The following PRDM1 variants were observed in gnomAD, a reference collection of about 807,000 sequenced individuals.
The protein encoded by PRDM1 is PR/SET domain 1, also known as PR domain zinc finger protein 1.
In PRDM1, 13 loss-of-function variants were observed where a neutral mutation model predicts 62.8. The ratio of observed to expected loss-of-function variants is 0.21; its 90% CI spans 0.13 to 0.33. PRDM1 has a LOEUF of 0.33. Among genes scored for constraint, PRDM1 ranks in the 10% least tolerant of loss-of-function variants. The pLI is 1.00. For missense variants in PRDM1, 895 were observed against 1,058.8 expected, an observed-to-expected ratio of 0.85 and a Z score of 2.15; for synonymous variants, 396 against 417.6, an observed-to-expected ratio of 0.95 and a Z score of 0.63.
chr6:106,042,620 T>C (rs1450612579), intron 1 of PRDM1, among the ~76,000 whole-genome samples: 1 of 151,924 alleles, frequency 6.6e-6, no homozygotes, highest in Non-Finnish European at 1.5e-5. Context: ...TAACTTCTGG[T>C]TTTTCTAGAG....
chr6:106,031,324 G>A (rs986313703), intron 1 of PRDM1, among the ~76,000 whole-genome samples: 1 of 152,162 alleles, frequency 6.6e-6, no homozygotes, highest in East Asian at 1.9e-4. Flanking sequence ...AATGAAGGTA[G>A]AAGTCCCAGG....
intron 1 of PRDM1, among the ~76,000 whole-genome samples, chr6:106,079,351 A>G (rs1336988476): frequency 6.6e-6 from 1 of 152,254 alleles, no homozygotes; most frequent in Non-Finnish European, 1.5e-5. Flanking sequence ...TAATGCACCC[A>G]GTACCCAGTT....
intron 1 of PRDM1, among the ~76,000 whole-genome samples, chr6:106,075,107 AG>A (rs11339352): frequency 6.6e-6 from 1 of 152,168 alleles, no homozygotes; most frequent in Non-Finnish European, 1.5e-5. Context: ...TGACCAAATT[AG>A]GGGGGAATTT....
Position 106,105,431 on chromosome 6 carries a change from G to A in PRDM1, c.1271G>A (p.Gly424Asp), listed in dbSNP as rs1484048958. Residue 424 changes from glycine to aspartate, a missense_variant, in exon 5 of 7, where the codon GGC becomes GAC. Transcript: ENST00000369096. ...LLPPYGMNCN[G>D]LSAVSSMNGI... ...CCCCCCTACGGCATGAATTGTAATG[G>A]CCTGAGCGCTGTGAGCAGCATGAAT... is the stretch of plus-strand genomic sequence containing the variant. 6.2e-7 allele frequency: 1 copy of A among 1,614,174 alleles called. No individual in the cohort carries two copies.
intron 1 of PRDM1, among the ~76,000 whole-genome samples, chr6:106,009,668 G>A (rs1446020054): frequency 6.6e-6 from 1 of 152,136 alleles, no homozygotes; most frequent in Non-Finnish European, 1.5e-5. Context: ...AGCTAACTCA[G>A]GACGAAAGTT....
At chr6:106,077,412 A>G (rs1773621095) in intron 1 of PRDM1, among the ~76,000 whole-genome samples, 1 of 152,182 alleles carries the variant, frequency 6.6e-6, no homozygotes, top group South Asian at 2.1e-4. Context: ...AAAAAGTGGT[A>G]TACATGAGGA....
chr6:106,010,482 T>G (rs1487113283), intron 1 of PRDM1, among the ~76,000 whole-genome samples: 3 of 152,198 alleles, frequency 2.0e-5, no homozygotes, highest in Non-Finnish European at 4.4e-5. Flanking sequence ...AGCCCGTGCA[T>G]CTAATTAAAT....
At chr6:106,065,666 T>C (rs1301317494) in intron 1 of PRDM1, among the ~76,000 whole-genome samples, 7 of 152,228 alleles carry the variant, frequency 4.6e-5, no homozygotes, top group African/African-American at 1.7e-4. Flanking sequence ...TATATAAATA[T>C]AGAAAATGAT....
intron 1 of PRDM1, among the ~76,000 whole-genome samples, chr6:105,996,089 C>T (rs1772346018): frequency 6.6e-6 from 1 of 152,108 alleles, no homozygotes; most frequent in Non-Finnish European, 1.5e-5. Flanking sequence ...AAAAGTCAGC[C>T]AGATGAGGTG....
chr6:105,998,933 A>ATT (rs754830624), intron 1 of PRDM1, among the ~76,000 whole-genome samples: 92 of 6,352 alleles, frequency 0.014, 1 homozygote, highest in Middle Eastern at 0.062. Context: ...ATATATATAT[A>ATT]TTTTTTTTTT....
chr6:106,038,920 C>T (rs1037036648), intron 1 of PRDM1, among the ~76,000 whole-genome samples: 1 of 152,188 alleles, frequency 6.6e-6, no homozygotes, highest in East Asian at 1.9e-4. Context: ...CAGGTCCCTA[C>T]TCCTTCTTTC....
rs1180554072 is a variant in PRDM1 at position 106,107,296 on chromosome 6, T to A, written c.2288T>A (p.Val763Asp). 4.3e-6 allele frequency: 7 copies of A among 1,614,036 alleles called. No homozygotes were observed. Among genetic ancestry groups the A allele is most frequent in the Non-Finnish European group, 5.9e-6 (7 of 1,179,996 alleles). Reference protein sequence around the residue: ...SVVEKEILAVVRKEKEETGLK... With the variant: ...SVVEKEILAVDRKEKEETGLK... ...GTGGAGAAGGAAATTCTGGCCGTGG[T>A]CAGAAAAGAGAAAGAAGAAACTGGC... Residue 763 changes from valine (V) to aspartate (D), a missense_variant, in exon 7 of 7, where the codon GTC (valine) becomes GAC (aspartate). Val to Asp is a radical substitution (Grantham distance 152, BLOSUM62 -3). Around this residue, in one of 4 missense-constraint regions of PRDM1, gnomAD observed 164 missense variants for 179.9 expected, o/e 0.91. Coordinates refer to ENST00000369096, the MANE Select transcript of PRDM1 (RefSeq NM_001198.4).
chr6:106,090,691 A>G (rs1396955374), intron 2 of PRDM1, among the ~76,000 whole-genome samples: 3 of 152,222 alleles, frequency 2.0e-5, no homozygotes, highest in Admixed American at 2.0e-4. Context: ...TTTAAGTTCC[A>G]TGAGCCATTG....
At chr6:106,048,194 C>A (rs1030967885), upstream of PRDM1, among the ~76,000 whole-genome samples, 2 of 136,132 alleles carry the variant, frequency 1.5e-5, no homozygotes, top group Non-Finnish European at 1.5e-5. Flanking sequence ...GCCCGGACAA[C>A]GTAGGGAGAC....
At chr6:106,047,323 A>C (rs9320144), upstream of PRDM1, among the ~76,000 whole-genome samples, 136,923 of 152,264 alleles carry the variant, frequency 0.9, 61,644 homozygotes, top group South Asian at 0.94. Flanking sequence ...GAGTTTTTGA[A>C]AACAGTCAGA....
intron 1 of PRDM1, among the ~76,000 whole-genome samples, chr6:106,053,820 C>T (rs1773219327): frequency 6.6e-6 from 1 of 151,326 alleles, no homozygotes; most frequent in African/African-American, 2.4e-5. Context: ...GTGTGCCCAC[C>T]ACCCCCCAGC....
intron 2 of PRDM1, 94 bp from the exon 3 acceptor site, chr6:106,095,521 G>A: frequency 7.2e-7 from 1 of 1,388,026 alleles, no homozygotes; most frequent in Non-Finnish European, 9.9e-7. Context: ...ATTGTTAGTT[G>A]TATTACTACT....
At chr6:105,996,180 GCAA>G (rs1286609121) in intron 1 of PRDM1, among the ~76,000 whole-genome samples, 1 of 152,044 alleles carries the variant, frequency 6.6e-6, no homozygotes, top group Non-Finnish European at 1.5e-5. Flanking sequence ...ATATGCTTAA[GCAA>G]CTCTTCATCT....
intron 2 of PRDM1, among the ~76,000 whole-genome samples, chr6:106,090,633 A>G (rs979360587): frequency 6.6e-6 from 1 of 152,230 alleles, no homozygotes; most frequent in Non-Finnish European, 1.5e-5. Flanking sequence ...CGGGACAGCA[A>G]CATTAAGGAT....
Sources: allele counts gnomAD v4.1 joint callset (sites outside exome capture counted in the v4.1 genomes callset), GRCh38; gene constraint gnomAD v4.1.1; regional missense constraint gnomAD v4.1.1; transcripts MANE v1.5; gene names NCBI Gene and HGNC (gene_info 2026-07-23, HGNC 2026-07-21).